The following INVS variants were observed in gnomAD, a reference collection of about 807,000 sequenced individuals.
INVS encodes the protein inversion of embryo turning homolog.
In INVS, 86 loss-of-function variants were observed where a neutral mutation model predicts 108.8. The ratio of observed to expected loss-of-function variants is 0.79; its 90% confidence interval spans 0.66 to 0.95. The LOEUF is 0.95. Among genes scored for constraint, INVS ranks in the 40% least tolerant of loss-of-function variants. INVS has a pLI of 0.00. For missense variants in INVS, 1,169 were observed against 1,297.4 expected, an observed-to-expected ratio of 0.90 and a Z score of 1.52; for synonymous variants, 455 against 473.5, an observed-to-expected ratio of 0.96 and a Z score of 0.51.
At chr9:100,213,711 C>G (rs185243985) in intron 3 of INVS, among the ~76,000 whole-genome samples, 144 of 152,208 alleles carry the variant, frequency 9.5e-4, no homozygotes, top group Non-Finnish European at 1.7e-3. Flanking sequence ...TTCCCTTGCC[C>G]CCAGAGAACA....
chr9:100,185,297 C>T (rs1394785276), intron 3 of INVS, among the ~76,000 whole-genome samples: 1 of 151,386 alleles, frequency 6.6e-6, no homozygotes, highest in Non-Finnish European at 1.5e-5. Flanking sequence ...AATAAATGTA[C>T]CTACTCACAT....
chr9:100,293,165 A>G, intron 14 of INVS, 122 bp downstream of exon 14: 1 of 835,146 alleles, frequency 1.2e-6, no homozygotes, highest in Non-Finnish European at 2.0e-6. Context: ...GGCCAATTTT[A>G]TAGAGCCTAC....
chr9:100,155,110 C>T (rs1828931536), intron 3 of INVS, among the ~76,000 whole-genome samples: 1 of 151,362 alleles, frequency 6.6e-6, no homozygotes, highest in Admixed American at 6.6e-5. Flanking sequence ...ACTCGGGAGG[C>T]TGAGGCACAA....
chr9:100,107,541 G>C (rs1827217403), intron 2 of INVS, among the ~76,000 whole-genome samples: 1 of 152,068 alleles, frequency 6.6e-6, no homozygotes, highest in South Asian at 2.1e-4. Context: ...TCTCACACCT[G>C]CCAAGCCCTT....
chr9:100,127,574 A>G (rs1453063717), intron 3 of INVS, among the ~76,000 whole-genome samples: 1 of 152,200 alleles, frequency 6.6e-6, no homozygotes, highest in Non-Finnish European at 1.5e-5. Flanking sequence ...AGTTAGATCC[A>G]GCGGGAACTA....
chr9:100,270,517 G>T (rs1028060313), intron 11 of INVS, among the ~76,000 whole-genome samples: 1 of 152,032 alleles, frequency 6.6e-6, no homozygotes, highest in African/African-American at 2.4e-5. Flanking sequence ...GGCCGAGGTG[G>T]TCGGATCACC....
At chr9:100,200,940 G>A (rs973488454) in intron 3 of INVS, among the ~76,000 whole-genome samples, 4 of 152,128 alleles carry the variant, frequency 2.6e-5, no homozygotes, top group African/African-American at 9.7e-5. Context: ...TCACACTGCG[G>A]CCAGATTTCA....
intron 3 of INVS, among the ~76,000 whole-genome samples, chr9:100,216,466 T>C (rs1830991192): frequency 6.6e-6 from 1 of 152,168 alleles, no homozygotes; most frequent in African/African-American, 2.4e-5. Flanking sequence ...GCAGCTTTGC[T>C]TCAGACAGTG....
intron 3 of INVS, among the ~76,000 whole-genome samples, chr9:100,210,123 T>C (rs1830792240): frequency 6.6e-6 from 1 of 152,188 alleles, no homozygotes; most frequent in African/African-American, 2.4e-5. Flanking sequence ...TCTACAGAGT[T>C]CTTACTACCG....
At chr9:100,188,203 C>T (rs1022502169) in intron 3 of INVS, among the ~76,000 whole-genome samples, 4 of 152,098 alleles carry the variant, frequency 2.6e-5, no homozygotes, top group East Asian at 1.9e-4. Context: ...GTTAGGACTT[C>T]CAGTACTATG....
chr9:100,103,676 A>AGAGGCGAGGGGAGGGGAGGG, intron 1 of INVS, among the ~76,000 whole-genome samples: 2 of 92,130 alleles, frequency 2.2e-5, no homozygotes, highest in Non-Finnish European at 4.2e-5. Flanking sequence ...GGAGGAAAGG[A>AGAGGCGAGGGGAGGGGAGGG]GAGGCGAGGG....
At chr9:100,184,495 A>C (rs1180360272) in intron 3 of INVS, among the ~76,000 whole-genome samples, 1 of 152,190 alleles carries the variant, frequency 6.6e-6, no homozygotes, top group African/African-American at 2.4e-5. Context: ...CATTTTGTAA[A>C]AAAATGAAGA....
chr9:100,216,257 T>G (rs1830983002), intron 3 of INVS, among the ~76,000 whole-genome samples: 1 of 152,192 alleles, frequency 6.6e-6, no homozygotes, highest in Non-Finnish European at 1.5e-5. Context: ...AAAATACGGC[T>G]AGTCTTTGGG....
intron 10 of INVS, among the ~76,000 whole-genome samples, chr9:100,255,536 C>T (rs9408999): frequency 0.51 from 77,322 of 150,476 alleles, 20,439 homozygotes; most frequent in African/African-American, 0.56. Flanking sequence ...TTCAGTATGA[C>T]ATTGGCTGTG....
chr9:100,273,003 G>A lies in INVS; in HGVS notation c.1711G>A (p.Val571Ile), dbSNP rs1833003061. The A allele has an allele frequency of 6.2e-7, 1 of 1,613,998 alleles. No individual in the cohort carries two copies. Among genetic ancestry groups the A allele is most frequent in the Non-Finnish European group, 8.5e-7 (1 of 1,180,006 alleles). Residue 571 changes from valine (V) to isoleucine (I), a missense_variant, in exon 12 of 17, where the codon GTC (valine) becomes ATC (isoleucine). Physicochemically the swap from Val to Ile is conservative, Grantham distance 29. This residue lies in a region of INVS where 271 missense variants were observed against 363.8 expected (regional missense o/e 0.74). Transcript: ENST00000262457. ...KIQAVYKGYK[V>I]RKAFRDRKNL... ...CCAAGCTGTCTACAAAGGGTACAAGGTCAGAAAAGCCTTCCGAGACAGGAA... is the reference window on the plus strand; with the variant it reads ...CCAAGCTGTCTACAAAGGGTACAAGATCAGAAAAGCCTTCCGAGACAGGAA...
At chr9:100,126,597 G>A (rs1163158953) in intron 3 of INVS, 48 bp downstream of exon 3, 1 of 1,551,730 alleles carries the variant, frequency 6.4e-7, no homozygotes, top group Non-Finnish European at 8.9e-7. Context: ...TGTGATGTCT[G>A]CTAGTTGATT....
chr9:100,239,315 A>T (rs1831790937), intron 5 of INVS, among the ~76,000 whole-genome samples: 1 of 152,256 alleles, frequency 6.6e-6, no homozygotes, highest in East Asian at 1.9e-4. Flanking sequence ...TTACCAACAT[A>T]GATATCCAAG....
At chr9:100,149,639 G>A (rs146258152) in intron 3 of INVS, among the ~76,000 whole-genome samples, 38 of 152,202 alleles carry the variant, frequency 2.5e-4, no homozygotes, top group African/African-American at 8.9e-4. Flanking sequence ...CAATCAAAAC[G>A]AGTTGAAATA....
chr9:100,250,053 T>A (rs1344283317), intron 8 of INVS, among the ~76,000 whole-genome samples: 1 of 152,000 alleles, frequency 6.6e-6, no homozygotes, highest in South Asian at 2.1e-4. Flanking sequence ...TGCAGTGACC[T>A]GAGATTGAAC....
Sources: gnomAD v4.1 joint callset for allele counts (sites outside exome capture counted in the v4.1 genomes callset) on GRCh38, gnomAD v4.1.1 for gene constraint, gnomAD v4.1.1 regional missense constraint, MANE v1.5 for transcripts, NCBI Gene and HGNC (gene_info 2026-07-23, HGNC 2026-07-21) for gene names.